Variants in TCF20 observed in about 807,000 individuals in gnomAD.
TCF20 encodes SPRE-binding protein.
Under a neutral mutation model 148.6 loss-of-function variants are expected in TCF20, and 3 were observed. The observed-to-expected ratio is 0.02, with a 90% CI of 0.01 to 0.05. The LOEUF is 0.05. Ranked by LOEUF, TCF20 falls within the 10% of genes least tolerant of loss-of-function variation. The pLI, the probability that TCF20 is intolerant of heterozygous loss-of-function variation, is 1.00. For missense variants in TCF20, 2,350 were observed against 2,429.3 expected (o/e 0.97, Z 0.69); for synonymous variants, 1,049 against 909.5 (o/e 1.15, Z -2.76).
At chr22:42,288,805 G>A (rs1382339263), upstream of TCF20, among the ~76,000 whole-genome samples, 2 of 150,936 alleles carry the variant, frequency 1.3e-5, no homozygotes, top group African/African-American at 4.9e-5. Context: ...ACCCCAAAAG[G>A]CTGGCACAAC....
intron 1 of TCF20, among the ~76,000 whole-genome samples, chr22:42,267,335 C>CA (rs35156802): frequency 2.0e-5 from 3 of 152,114 alleles, no homozygotes; most frequent in African/African-American, 7.2e-5. Flanking sequence ...ACACTGAACG[C>CA]AAGGTCATAA....
intron 2 of TCF20, among the ~76,000 whole-genome samples, chr22:42,190,235 G>T (rs1375098914): frequency 6.6e-6 from 1 of 152,124 alleles, no homozygotes; most frequent in African/African-American, 2.4e-5. Flanking sequence ...GAGGTGGGAG[G>T]ACTGCCTGAG....
chr22:42,212,691 G>A lies in TCF20; in HGVS notation c.2615C>T (p.Pro872Leu). 6.2e-7 allele frequency: 1 copy of A among 1,614,168 alleles called. No homozygotes were observed. Among genetic ancestry groups the A allele is most frequent in the Non-Finnish European group, 8.5e-7 (1 of 1,180,026 alleles). ...ERRSVICDIS[P>L]LRQIVRDPGA... ...TGGGTCCCTGACAATCTGTCTTAGT[G>A]GAGAAATATCACAGATCACTGATCT... The change falls in exon 2 of 6, where the codon CCA becomes CTA. Residue 872 changes from proline (P) to leucine (L), a missense_variant. Physicochemically the swap from Pro to Leu is moderately conservative, Grantham distance 98. This residue lies in a region of TCF20 where 1,641 missense variants were observed against 1,662.6 expected (regional missense o/e 0.99). Transcript: ENST00000677622.
intron 1 of TCF20, among the ~76,000 whole-genome samples, chr22:42,252,045 A>C (rs1925413379): frequency 3.3e-5 from 5 of 151,538 alleles, no homozygotes; most frequent in African/African-American, 1.2e-4. Context: ...CAAGGTGGGC[A>C]GATCACCTGA....
chr22:42,326,984 C>T (rs1048014629), intron 1 of TCF20, among the ~76,000 whole-genome samples: 4 of 152,228 alleles, frequency 2.6e-5, no homozygotes, highest in Admixed American at 6.5e-5. Flanking sequence ...CACAACATGA[C>T]GCGATCTGGC....
chr22:42,259,599 C>G (rs1473825448), intron 1 of TCF20, among the ~76,000 whole-genome samples: 1 of 152,170 alleles, frequency 6.6e-6, no homozygotes, highest in African/African-American at 2.4e-5. Flanking sequence ...TATTCGCTTC[C>G]TCAGTTGTTT....
intron 1 of TCF20, among the ~76,000 whole-genome samples, chr22:42,229,233 A>T (rs1923182880): frequency 1.3e-5 from 2 of 152,170 alleles, no homozygotes; most frequent in Non-Finnish European, 2.9e-5. Context: ...CACAGCAGAG[A>T]TGTCCATAAT....
At chr22:42,198,217 G>A (rs1387390909) in intron 2 of TCF20, among the ~76,000 whole-genome samples, 1 of 152,004 alleles carries the variant, frequency 6.6e-6, no homozygotes, top group African/African-American at 2.4e-5. Context: ...ACACAGACTT[G>A]TATCTACACT....
chr22:42,212,236 T>G lies in TCF20; in HGVS notation c.3070A>C (p.Arg1024=). The G allele has an allele frequency of 1.9e-6, 3 of 1,614,236 alleles. No homozygotes were observed. Among genetic ancestry groups the G allele is most frequent in the Non-Finnish European group, 2.5e-6 (3 of 1,180,032 alleles). The change falls in exon 2 of 6, where the codon AGA becomes CGA. Residue 1024 remains arginine (R), a synonymous_variant. Transcript: ENST00000677622. ...TGATGAGGGTCTCCCCCTGGGCCTCTGCTCCGCCCAGGAGACATTTTCAAT... is the reference window on the plus strand; with the variant it reads ...TGATGAGGGTCTCCCCCTGGGCCTCGGCTCCGCCCAGGAGACATTTTCAAT... The part of the protein sequence containing the change: ...EKLKMSPGRS[R]GPGGDPHHMN...
At chr22:42,169,264 C>T (rs966741657) in intron 4 of TCF20, among the ~76,000 whole-genome samples, 4 of 152,070 alleles carry the variant, frequency 2.6e-5, no homozygotes, top group African/African-American at 9.7e-5. Context: ...ATGTGGTATC[C>T]ACAAACAGAC....
rs768316683 is a variant in TCF20 at position 42,214,344 on chromosome 22, T to TGTTGCTGCG, written c.953_961dup (p.Pro318_Gln320dup). 2.5e-5 allele frequency: 40 copies of TGTTGCTGCG among 1,614,194 alleles called. No individual in the cohort carries two copies. Among genetic ancestry groups the TGTTGCTGCG allele is most frequent in the African/African-American group, 5.3e-5 (4 of 75,036 alleles). Reference sequence around the variant, plus strand: ...CATCACATGCTGAGAAGGGTGTTGTTGTTGCTGCGGTTGCTGCTGCTGCTG... The same window carrying TGTTGCTGCG: ...CATCACATGCTGAGAAGGGTGTTGTTGTTGCTGCGGTTGCTGCGGTTGCTGCTGCTGCTG... On this transcript the variant is annotated inframe_insertion, in exon 2 of 6. Transcript: ENST00000677622.
At chr22:42,238,502 G>A (rs899920289) in intron 1 of TCF20, among the ~76,000 whole-genome samples, 2 of 152,178 alleles carry the variant, frequency 1.3e-5, no homozygotes, top group African/African-American at 2.4e-5. Flanking sequence ...ACTTGGCCAC[G>A]TTTGGTGCAA....
In TCF20 at chr22:42,213,899, A is replaced by C. The variant is rs139918516; in HGVS notation, c.1407T>G (p.Thr469=). 177 of 1,614,054 alleles carry C rather than the reference A, an allele frequency of 1.1e-4. No individual in the cohort carries two copies. The highest frequency in any genetic ancestry group is 1.4e-4 in the Non-Finnish European group (171 of 1,180,028). The change falls in exon 2 of 6, where the codon ACT becomes ACG. Residue 469 remains threonine, a synonymous_variant. Coordinates refer to ENST00000677622, the MANE Select transcript of TCF20 (RefSeq NM_001378418.1). ...CATCAGAAAGTAACATGTGCTGGACAGTGTTAGGAAGATTGGCCACTTGAG... is the reference window on the plus strand; with the variant it reads ...CATCAGAAAGTAACATGTGCTGGACCGTGTTAGGAAGATTGGCCACTTGAG... ...LSTQVANLPN[T]VQHMLLSDAL... is the part of the protein sequence containing the mutation.
upstream of TCF20, among the ~76,000 whole-genome samples, chr22:42,288,715 CAAAAAAAAAAAAAAAAA>C (rs60058670): frequency 1.2e-5 from 1 of 85,304 alleles, no homozygotes; most frequent in Non-Finnish European, 2.1e-5. Context: ...GACCCTGTAT[CAAAAAAAAAAAAAAAAA>C]AAAAAAAAAA....
intron 1 of TCF20, among the ~76,000 whole-genome samples, chr22:42,320,170 C>T (rs995835524): frequency 2.0e-5 from 3 of 152,202 alleles, no homozygotes; most frequent in South Asian, 4.1e-4. Context: ...TCCAGTCACC[C>T]GCCTTCTGGC....
chr22:42,291,511 G>A (rs1447844547), intron 1 of TCF20, among the ~76,000 whole-genome samples: 3 of 152,202 alleles, frequency 2.0e-5, no homozygotes, highest in African/African-American at 4.8e-5. Flanking sequence ...TCTGGACTAT[G>A]AGCCCTGGGG....
In TCF20 at chr22:42,327,211, C is replaced by T. The variant is rs139056059; in HGVS notation, c.-37+16268G>A. The stretch of plus-strand genomic sequence containing the variant: ...GGCTGGCACTGATATAGAGGGGCCA[C>T]GGCAATGCCCTTGGCGCAGGAGCTA... On this transcript the variant is annotated intron_variant, in intron 1 of 1. Coordinates refer to the TCF20 transcript ENST00000515426. Among the ~76,000 whole-genome samples, 705 of 152,286 alleles carry T rather than the reference C, an allele frequency of 4.6e-3. 3 individuals carry two copies. Among genetic ancestry groups the T allele is most frequent in the Non-Finnish European group, 7.9e-3 (540 of 68,034 alleles).
chr22:42,270,423 G>A lies in TCF20; in HGVS notation c.-121C>T, dbSNP rs568621654. ...GTGGCGACGGCGGGCGGCGCTGCGC[G>A]GGGTGGGGGTGGGGGTGGCTCCGCC... On this transcript the variant is annotated 5_prime_UTR_variant, in exon 1 of 6. Coordinates refer to ENST00000677622, the MANE Select transcript of TCF20 (RefSeq NM_001378418.1). Among the ~76,000 whole-genome samples, 971 of 146,934 alleles carry A rather than the reference G, an allele frequency of 6.6e-3. 13 individuals are homozygous for A. The highest frequency in any genetic ancestry group is 0.023 in the African/African-American group (920 of 40,672).
chr22:42,162,897 A>G (rs959134886), intron 5 of TCF20, among the ~76,000 whole-genome samples: 23 of 152,192 alleles, frequency 1.5e-4, no homozygotes, highest in African/African-American at 5.5e-4. Context: ...AAACACCAAT[A>G]AGCAGGAACA....
Sources: allele counts gnomAD v4.1 joint callset (sites outside exome capture counted in the v4.1 genomes callset), GRCh38; gene constraint gnomAD v4.1.1; regional missense constraint gnomAD v4.1.1; transcripts MANE v1.5; gene names NCBI Gene and HGNC (gene_info 2026-07-23, HGNC 2026-07-21).